NAALADL2: variants seen among roughly 807,000 people sequenced by gnomAD.
The protein encoded by NAALADL2 is inactive N-acetylated-alpha-linked acidic dipeptidase-like protein 2.
In NAALADL2, 76 loss-of-function variants were observed where a neutral mutation model predicts 87.2. The observed-to-expected ratio is 0.87, with a 90% CI of 0.72 to 1.05. The LOEUF is 1.05. NAALADL2 is among the 50% of genes least tolerant of loss of function. The pLI, the probability that NAALADL2 is intolerant of heterozygous loss-of-function variation, is 0.00. For synonymous variants in NAALADL2, 354 were observed against 331.0 expected (o/e 1.07, Z -0.75); for missense variants, 1,089 against 945.8 (o/e 1.15, Z -1.99).
chr3:175,461,916 T>C (rs1201460485), intron 6 of NAALADL2, among the ~76,000 whole-genome samples: 2 of 152,090 alleles, frequency 1.3e-5, no homozygotes, highest in African/African-American at 4.8e-5. Context: ...AAAAGATCAG[T>C]GGTTGCTGCC....
intron 5 of NAALADL2, among the ~76,000 whole-genome samples, chr3:175,358,578 G>A (rs1764643118): frequency 6.6e-6 from 1 of 151,770 alleles, no homozygotes; most frequent in Admixed American, 6.6e-5. Flanking sequence ...CTATGAAAGT[G>A]ACAGAATATA....
At chr3:174,588,409 GT>G (rs1306188851) in intron 2 of NAALADL2, among the ~76,000 whole-genome samples, 5 of 152,106 alleles carry the variant, frequency 3.3e-5, no homozygotes, top group African/African-American at 1.2e-4. Context: ...GCTTTGTTCC[GT>G]TGCTGGTGAG....
chr3:175,732,791 G>A (rs1309462961), intron 11 of NAALADL2, among the ~76,000 whole-genome samples: 1 of 151,596 alleles, frequency 6.6e-6, no homozygotes, highest in South Asian at 2.1e-4. Context: ...TTAGGAATTG[G>A]TTGGTAAATT....
At chr3:175,657,716 G>A (rs1447139490) in intron 11 of NAALADL2, among the ~76,000 whole-genome samples, 1 of 151,632 alleles carries the variant, frequency 6.6e-6, no homozygotes, top group East Asian at 1.9e-4. Context: ...AAGTAGCTGG[G>A]ACTACAGGTG....
chr3:175,558,474 G>A (rs1560755404), intron 9 of NAALADL2, among the ~76,000 whole-genome samples: 3 of 152,206 alleles, frequency 2.0e-5, no homozygotes, highest in South Asian at 4.1e-4. Flanking sequence ...TGCTTGTGGT[G>A]TATTACTCAA....
At chr3:175,692,780 CTA>C (rs1387541246) in intron 11 of NAALADL2, among the ~76,000 whole-genome samples, 1 of 152,122 alleles carries the variant, frequency 6.6e-6, no homozygotes. Flanking sequence ...GGAAACAAAA[CTA>C]TGATGTTCCC....
intron 3 of NAALADL2, among the ~76,000 whole-genome samples, chr3:174,774,706 A>G (rs1352383331): frequency 6.6e-6 from 1 of 152,212 alleles, no homozygotes; most frequent in South Asian, 2.1e-4. Context: ...GTCACATGAC[A>G]TGCTGTTGCA....
chr3:175,667,219 G>GAA (rs1287931298), intron 11 of NAALADL2, among the ~76,000 whole-genome samples: 19 of 125,012 alleles, frequency 1.5e-4, no homozygotes, highest in African/African-American at 7.7e-4. Context: ...AAGAAAGAAA[G>GAA]AAAGAAAGAA....
chr3:175,405,701 A>C lies in NAALADL2; in HGVS notation c.1091-41528A>C, dbSNP rs572849488. Reference sequence around the variant, plus strand: ...GAGAAATAACAATGAACAATGAATGAAAAGAACGTTTCTTGAACACCTATG... The same window carrying C: ...GAGAAATAACAATGAACAATGAATGCAAAGAACGTTTCTTGAACACCTATG... On this transcript the variant is annotated intron_variant, in intron 5 of 13. Transcript: ENST00000454872. Among the ~76,000 whole-genome samples the C allele has an allele frequency of 4.9e-5, 6 of 123,124 alleles. No homozygotes were observed. In the South Asian group the frequency reaches 1.7e-3, roughly 35 times the overall value. The allele number at this position is 123,124 out of a possible 152,430, so 80.8% of individuals were successfully genotyped here.
intron 5 of NAALADL2, among the ~76,000 whole-genome samples, chr3:175,326,892 A>G (rs949066590): frequency 6.6e-6 from 1 of 152,202 alleles, no homozygotes; most frequent in Non-Finnish European, 1.5e-5. Flanking sequence ...CAAGTTTCCA[A>G]CACATGAGCT....
At chr3:174,716,326 T>C (rs1268380322) in intron 2 of NAALADL2, among the ~76,000 whole-genome samples, 1 of 138,704 alleles carries the variant, frequency 7.2e-6, no homozygotes, top group African/African-American at 2.9e-5. Context: ...CTAGTACTCA[T>C]TGTATTTTTT....
intron 3 of NAALADL2, among the ~76,000 whole-genome samples, chr3:174,841,695 T>C (rs568441423): frequency 6.6e-6 from 1 of 152,350 alleles, no homozygotes; most frequent in Admixed American, 6.5e-5. Flanking sequence ...ATGCCAATAA[T>C]ACCATTTGAA....
chr3:175,351,698 A>G (rs991025778), intron 5 of NAALADL2, among the ~76,000 whole-genome samples: 2 of 152,066 alleles, frequency 1.3e-5, no homozygotes, highest in African/African-American at 2.4e-5. Context: ...GAATTGCGAT[A>G]TCTTCAGGGT....
intron 3 of NAALADL2, among the ~76,000 whole-genome samples, chr3:174,820,813 T>C (rs945707292): frequency 6.6e-6 from 1 of 151,892 alleles, no homozygotes. Flanking sequence ...TTTCTGTTAT[T>C]TGAAATATGT....
At chr3:175,661,991 C>T (rs1732325456) in intron 11 of NAALADL2, among the ~76,000 whole-genome samples, 1 of 151,908 alleles carries the variant, frequency 6.6e-6, no homozygotes, top group Admixed American at 6.6e-5. Context: ...TTTTGTGGTT[C>T]CATACACATT....
chr3:175,114,964 T>C (rs185416043), intron 2 of NAALADL2, among the ~76,000 whole-genome samples: 68 of 151,772 alleles, frequency 4.5e-4, no homozygotes, highest in African/African-American at 1.5e-3. Flanking sequence ...GTTTAACTAA[T>C]CTGGGTCCTT....
intron 9 of NAALADL2, among the ~76,000 whole-genome samples, chr3:175,574,794 T>C (rs934483514): frequency 2.0e-5 from 3 of 152,184 alleles, no homozygotes; most frequent in Non-Finnish European, 4.4e-5. Context: ...TTTGAAATTA[T>C]GTCACGCCAG....
At chr3:174,909,043 A>G (rs1733343308) in intron 1 of NAALADL2, among the ~76,000 whole-genome samples, 1 of 151,960 alleles carries the variant, frequency 6.6e-6, no homozygotes, top group Admixed American at 6.6e-5. Flanking sequence ...TTGTGTAGCT[A>G]TTTCATCTTA....
intron 1 of NAALADL2, among the ~76,000 whole-genome samples, chr3:174,547,111 G>A (rs1210107862): frequency 6.6e-6 from 1 of 152,096 alleles, no homozygotes; most frequent in Non-Finnish European, 1.5e-5. Context: ...ATTTTATAAT[G>A]TGGGACTCAA....
Sources: allele counts gnomAD v4.1 joint callset (sites outside exome capture counted in the v4.1 genomes callset), GRCh38; gene constraint gnomAD v4.1.1; transcripts MANE v1.5; gene names NCBI Gene and HGNC (gene_info 2026-07-23, HGNC 2026-07-21).